Variants in AKAP6 observed in about 807,000 individuals in gnomAD.
The protein encoded by AKAP6 is A-kinase anchor protein 6.
A neutral mutation model predicts 188.5 loss-of-function variants in AKAP6; 58 were observed. The observed-to-expected ratio is 0.31, with a 90% CI of 0.25 to 0.38. The LOEUF (loss-of-function observed/expected upper bound fraction) is 0.38, where lower values mean the gene tolerates loss of function less well. Among genes scored for constraint, AKAP6 ranks in the 10% least tolerant of loss-of-function variants. The probability of loss-of-function intolerance (pLI) is 1.00; values close to 1 mark genes in which losing one functional copy is unlikely to be tolerated. For missense variants in AKAP6, 2,710 were observed against 2,740.0 expected (o/e 0.99, Z 0.24); for synonymous variants, 989 against 998.6 (o/e 0.99, Z 0.18).
intron 1 of AKAP6, among the ~76,000 whole-genome samples, chr14:32,350,682 G>T (rs1005995821): frequency 1.3e-5 from 2 of 152,092 alleles, no homozygotes; most frequent in Non-Finnish European, 2.9e-5. Context: ...AGGGTGAGAG[G>T]TATGGGAACT....
chr14:32,413,446 C>T (rs1177359172), intron 1 of AKAP6, among the ~76,000 whole-genome samples: 2 of 151,996 alleles, frequency 1.3e-5, no homozygotes, highest in Non-Finnish European at 2.9e-5. Context: ...TCTTCCAAAG[C>T]GCTGGGGTTA....
chr14:32,713,776 A>T (rs1156441486), intron 9 of AKAP6, among the ~76,000 whole-genome samples: 3 of 152,038 alleles, frequency 2.0e-5, no homozygotes, highest in Non-Finnish European at 4.4e-5. Flanking sequence ...GGCTGGTTTG[A>T]TCTTCTATCT....
intron 1 of AKAP6, among the ~76,000 whole-genome samples, chr14:32,363,860 C>T (rs1887741432): frequency 6.6e-6 from 1 of 152,196 alleles, no homozygotes; most frequent in African/African-American, 2.4e-5. Flanking sequence ...GCCATCTGAG[C>T]TTCAACTAAA....
At chr14:32,728,088 C>T (rs1014166801) in intron 9 of AKAP6, among the ~76,000 whole-genome samples, 1 of 152,014 alleles carries the variant, frequency 6.6e-6, no homozygotes, top group Non-Finnish European at 1.5e-5. Context: ...CTTTGTTCAC[C>T]ACTGAATGGC....
intron 1 of AKAP6, among the ~76,000 whole-genome samples, chr14:32,382,329 T>G (rs907736179): frequency 6.6e-6 from 1 of 152,050 alleles, no homozygotes; most frequent in Non-Finnish European, 1.5e-5. Flanking sequence ...AGCATCAGAG[T>G]GGGACATCAC....
At chr14:32,467,677 T>A (rs1309411117) in intron 2 of AKAP6, among the ~76,000 whole-genome samples, 3 of 151,912 alleles carry the variant, frequency 2.0e-5, no homozygotes, top group Non-Finnish European at 2.9e-5. Context: ...GGATGGTTCT[T>A]TTCTTTGGTT....
chr14:32,523,349 C>T (rs1167424426), intron 2 of AKAP6, among the ~76,000 whole-genome samples: 2 of 152,054 alleles, frequency 1.3e-5, no homozygotes, highest in Admixed American at 6.6e-5. Flanking sequence ...AGAATATCAT[C>T]ATGCTACAAC....
chr14:32,640,678 A>T (rs1425129058), intron 7 of AKAP6, among the ~76,000 whole-genome samples: 2 of 152,152 alleles, frequency 1.3e-5, no homozygotes. Context: ...ATAACCCTCG[A>T]TTGACTGAGA....
intron 1 of AKAP6, among the ~76,000 whole-genome samples, chr14:32,367,325 A>C (rs1887868540): frequency 6.6e-6 from 1 of 152,230 alleles, no homozygotes; most frequent in African/African-American, 2.4e-5. Context: ...ATTTAAGAAT[A>C]TGAAGTGGTT....
Position 32,484,548 on chromosome 14 carries a change from G to T in AKAP6, c.324+50731G>T. ...GCCATATCGGGGGCACCGATTTTTAGGGGAACTAGTCAGTTGCCAAAGCCT... is the reference window on the plus strand; with the variant it reads ...GCCATATCGGGGGCACCGATTTTTATGGGAACTAGTCAGTTGCCAAAGCCT... On this transcript the variant is annotated intron_variant, in intron 2 of 13. Coordinates refer to ENST00000280979, the MANE Select transcript of AKAP6 (RefSeq NM_004274.5). 9.6e-6 allele frequency: 2 copies of T among 207,440 alleles called. 1 individual carries two copies. The highest frequency in any genetic ancestry group is 5.1e-4 in the East Asian group (2 of 3,932). The allele number at this position is 207,440 out of a possible 1,614,324, so 12.8% of individuals were successfully genotyped here.
intron 11 of AKAP6, among the ~76,000 whole-genome samples, chr14:32,756,252 T>G (rs1264076645): frequency 1.3e-5 from 2 of 152,170 alleles, no homozygotes; most frequent in African/African-American, 4.8e-5. Context: ...AGTGTCAACC[T>G]GGTACTCTGT....
intron 2 of AKAP6, among the ~76,000 whole-genome samples, chr14:32,480,427 G>A (rs543078029): frequency 1.6e-4 from 24 of 152,260 alleles, no homozygotes; most frequent in African/African-American, 5.5e-4. Context: ...GGATCCAAAG[G>A]ACTTTCTTCT....
rs533577104 is a variant in AKAP6 at position 32,834,325 on chromosome 14, G to T, written c.*4520G>T. The T allele has an allele frequency of 2.0e-4, 31 of 152,222 alleles. No individual in the cohort carries two copies. Among genetic ancestry groups the T allele is most frequent in the African/African-American group, 7.0e-4 (29 of 41,526 alleles). The allele number at this position is 152,222 out of a possible 1,614,324, so 9.4% of individuals were successfully genotyped here. On this transcript the variant is annotated 3_prime_UTR_variant, in exon 14 of 14. Transcript: ENST00000280979. Reference sequence around the variant, plus strand: ...TGCTTGAAGCCAGGAGGCAGAGGTTGCAGTGAGCCGAGATTGCACCACTGC... The same window carrying T: ...TGCTTGAAGCCAGGAGGCAGAGGTTTCAGTGAGCCGAGATTGCACCACTGC...
chr14:32,722,152 G>A (rs2030572094), intron 9 of AKAP6, among the ~76,000 whole-genome samples: 1 of 152,090 alleles, frequency 6.6e-6, no homozygotes, highest in Admixed American at 6.6e-5. Flanking sequence ...TGCCCTCTTA[G>A]CTGAATACCT....
intron 2 of AKAP6, among the ~76,000 whole-genome samples, chr14:32,450,341 A>G (rs1243837263): frequency 6.6e-6 from 1 of 151,546 alleles, no homozygotes; most frequent in East Asian, 1.9e-4. Flanking sequence ...AGAGAGAGAG[A>G]GGGAGAGGGA....
chr14:32,482,748 A>G (rs745496529), intron 2 of AKAP6, among the ~76,000 whole-genome samples: 8 of 152,332 alleles, frequency 5.3e-5, no homozygotes, highest in Middle Eastern at 3.4e-3. Flanking sequence ...TAATATAACA[A>G]TACAACTCAG....
At chr14:32,490,559 G>T (rs1046964602) in intron 2 of AKAP6, among the ~76,000 whole-genome samples, 1 of 152,090 alleles carries the variant, frequency 6.6e-6, no homozygotes, top group African/African-American at 2.4e-5. Context: ...CCTCTGAAGT[G>T]GTCCTTTAGA....
At chr14:32,590,540 A>G (rs1885447078) in intron 5 of AKAP6, among the ~76,000 whole-genome samples, 1 of 152,170 alleles carries the variant, frequency 6.6e-6, no homozygotes, top group Admixed American at 6.5e-5. Context: ...ACTGTGGGCA[A>G]CAGATTCTAA....
At chr14:32,639,216 T>C (rs1887653463) in intron 7 of AKAP6, among the ~76,000 whole-genome samples, 1 of 152,164 alleles carries the variant, frequency 6.6e-6, no homozygotes, top group African/African-American at 2.4e-5. Context: ...AGTATCTGCG[T>C]TGTTTTTGCA....
Sources: allele counts gnomAD v4.1 joint callset (sites outside exome capture counted in the v4.1 genomes callset), GRCh38; gene constraint gnomAD v4.1.1; transcripts MANE v1.5; gene names NCBI Gene and HGNC (gene_info 2026-07-23, HGNC 2026-07-21).